The following SPON1 variants were observed in gnomAD, a reference collection of about 807,000 sequenced individuals.
The protein encoded by SPON1 is spondin-1.
In SPON1, 52 loss-of-function variants were observed where a neutral mutation model predicts 111.7. The observed-to-expected ratio is 0.47, with a 90% CI of 0.37 to 0.59. The LOEUF (loss-of-function observed/expected upper bound fraction) is 0.59. Among genes scored for constraint, SPON1 ranks in the 20% least tolerant of loss-of-function variants. The pLI is 0.00. For synonymous variants in SPON1, 410 were observed against 395.8 expected (o/e 1.04, Z -0.43); for missense variants, 957 against 1,068.5 (o/e 0.90, Z 1.46).
chr11:14,179,346 A>G (rs1848213819), intron 6 of SPON1, among the ~76,000 whole-genome samples: 2 of 152,318 alleles, frequency 1.3e-5, no homozygotes, highest in East Asian at 3.9e-4. Flanking sequence ...GTATTTATTT[A>G]TTGTTCCAGG....
chr11:14,072,735 A>G (rs959906923), intron 3 of SPON1, among the ~76,000 whole-genome samples: 1 of 152,212 alleles, frequency 6.6e-6, no homozygotes, highest in South Asian at 2.1e-4. Flanking sequence ...AGCTTTATGG[A>G]AACAAAACTT....
In SPON1 at chr11:14,259,267, C is replaced by T. The variant is rs781918871; in HGVS notation, c.1493-13C>T. ...ACCGTGCACTGCTGCAGCGTTCACT[C>T]GGTGTGTTGCAGACGGCTCCACCTG... is the stretch of plus-strand genomic sequence containing the variant. On this transcript the variant is annotated splice_polypyrimidine_tract_variant and intron_variant, in intron 11 of 15. Coordinates refer to ENST00000576479, the MANE Select transcript of SPON1 (RefSeq NM_006108.4). This position sits in a 1 kb window ranked among gnomAD's most constrained non-coding sequence, Gnocchi z 5.0. The T allele has an allele frequency of 1.1e-5, 17 of 1,602,512 alleles. No homozygotes were observed. The highest frequency in any genetic ancestry group is 4.5e-5 in the East Asian group (2 of 44,566).
chr11:14,066,939 G>A (rs1478326777), intron 3 of SPON1, among the ~76,000 whole-genome samples: 2 of 152,154 alleles, frequency 1.3e-5, no homozygotes, highest in African/African-American at 4.8e-5. Flanking sequence ...ACTTTGAGGG[G>A]CCTAGGCAAG....
rs149613460 is a variant in SPON1 at position 14,039,635 on chromosome 11, G to A, written c.346-1886G>A. Among the ~76,000 whole-genome samples the A allele has an allele frequency of 2.0e-3, 308 of 152,172 alleles. 1 individual carries two copies. Among genetic ancestry groups the A allele is most frequent in the Non-Finnish European group, 3.5e-3 (237 of 67,974 alleles). ...TAAATGTGAAAGGGAAAATTATAAAGCTAATGAAAGAAAATATTGGAGAAT... is the reference window on the plus strand; with the variant it reads ...TAAATGTGAAAGGGAAAATTATAAAACTAATGAAAGAAAATATTGGAGAAT... On this transcript the variant is annotated intron_variant, in intron 2 of 15. Transcript: ENST00000576479.
At chr11:14,210,600 A>G (rs531994570) in intron 6 of SPON1, among the ~76,000 whole-genome samples, 6 of 152,106 alleles carry the variant, frequency 3.9e-5, no homozygotes, top group African/African-American at 1.2e-4. Context: ...AGGTTTCACT[A>G]TGTTGACCAA....
intron 6 of SPON1, among the ~76,000 whole-genome samples, chr11:14,139,931 TGC>T (rs1847634069): frequency 1.3e-5 from 2 of 152,196 alleles, no homozygotes; most frequent in South Asian, 2.1e-4. Flanking sequence ...TAACTTATTG[TGC>T]TTAGAACTAA....
intron 6 of SPON1, among the ~76,000 whole-genome samples, chr11:14,226,188 T>G (rs1038838244): frequency 8.5e-5 from 13 of 152,116 alleles, no homozygotes; most frequent in African/African-American, 3.1e-4. Context: ...AGCTAGGAAG[T>G]AGAGAGAGAG....
intron 5 of SPON1, among the ~76,000 whole-genome samples, chr11:14,109,618 G>A (rs1331855049): frequency 2.6e-5 from 4 of 151,812 alleles, no homozygotes; most frequent in Non-Finnish European, 5.9e-5. Flanking sequence ...ATGTTTCTAT[G>A]CCTTATGACA....
intron 2 of SPON1, among the ~76,000 whole-genome samples, chr11:13,991,634 G>T (rs140542432): frequency 1.3e-5 from 2 of 152,296 alleles, no homozygotes; most frequent in Non-Finnish European, 2.9e-5. Context: ...GAGGAGTTGC[G>T]ATCCTTTGTA....
chr11:14,093,895 A>T lies in SPON1; in HGVS notation c.676+13874A>T, dbSNP rs147051613. On this transcript the variant is annotated intron_variant, in intron 5 of 15. Coordinates refer to ENST00000576479, the MANE Select transcript of SPON1 (RefSeq NM_006108.4). ...TTAAGTAATGTCAGGTCTTTTGCTAACATAGAAAGCACTGCAATAAAATAC... is the reference window on the plus strand; with the variant it reads ...TTAAGTAATGTCAGGTCTTTTGCTATCATAGAAAGCACTGCAATAAAATAC... Among the ~76,000 whole-genome samples the T allele has an allele frequency of 3.4e-3, 516 of 152,316 alleles. 16 individuals are homozygous for T. The highest frequency in any genetic ancestry group is 9.6e-4 in the Non-Finnish European group (65 of 68,034).
chr11:14,062,085 G>A (rs1288304260), intron 3 of SPON1, among the ~76,000 whole-genome samples: 1 of 150,680 alleles, frequency 6.6e-6, no homozygotes, highest in Non-Finnish European at 1.5e-5. Context: ...GGAGAAAAGT[G>A]CTCTAGACAA....
chr11:14,260,045 A>G (rs1272881769), intron 13 of SPON1, among the ~76,000 whole-genome samples: 7 of 152,160 alleles, frequency 4.6e-5, no homozygotes, highest in African/African-American at 1.7e-4. Context: ...TACATTACCC[A>G]GGTCCAGCCC....
intron 2 of SPON1, among the ~76,000 whole-genome samples, chr11:13,991,522 T>C (rs376200888): frequency 1.3e-5 from 2 of 152,204 alleles, no homozygotes; most frequent in Admixed American, 6.5e-5. Context: ...GGTTAGAACA[T>C]GCTCCTTTAG....
intron 2 of SPON1, among the ~76,000 whole-genome samples, chr11:13,987,432 T>G (rs1554910567): frequency 6.6e-6 from 1 of 152,192 alleles, no homozygotes; most frequent in Non-Finnish European, 1.5e-5. Context: ...ACTTAAGTTC[T>G]TTGTAGATTC....
intron 6 of SPON1, among the ~76,000 whole-genome samples, chr11:14,180,341 C>A (rs782797086): frequency 1.3e-5 from 2 of 152,204 alleles, no homozygotes; most frequent in Non-Finnish European, 2.9e-5. Flanking sequence ...CTTCATCATG[C>A]CTCCGTATTT....
intron 5 of SPON1, among the ~76,000 whole-genome samples, chr11:14,100,884 C>T (rs782399335): frequency 2.6e-5 from 4 of 152,182 alleles, no homozygotes; most frequent in Non-Finnish European, 5.9e-5. Flanking sequence ...GACCTGCATT[C>T]AGAAACACTT....
At chr11:14,121,758 C>A (rs1847391347) in intron 5 of SPON1, among the ~76,000 whole-genome samples, 1 of 152,128 alleles carries the variant, frequency 6.6e-6, no homozygotes, top group Non-Finnish European at 1.5e-5. Flanking sequence ...TAAAGAACTT[C>A]CTTTAATATT....
chr11:14,127,302 G>GA (rs11398250), intron 5 of SPON1, among the ~76,000 whole-genome samples: 103,053 of 136,932 alleles, frequency 0.75, 38,250 homozygotes, highest in East Asian at 0.84. Flanking sequence ...TCTGACCTCC[G>GA]AAAAAAAAAA....
intron 2 of SPON1, among the ~76,000 whole-genome samples, chr11:14,007,688 G>A (rs1458970346): frequency 2.6e-5 from 4 of 152,202 alleles, no homozygotes; most frequent in African/African-American, 9.6e-5. Flanking sequence ...ATCACAGGAG[G>A]TGAAGCTCAG....
Sources: allele counts gnomAD v4.1 joint callset (sites outside exome capture counted in the v4.1 genomes callset), GRCh38; gene constraint gnomAD v4.1.1; non-coding constraint Gnocchi (gnomAD v3.1); transcripts MANE v1.5; gene names NCBI Gene and HGNC (gene_info 2026-07-23, HGNC 2026-07-21).